Variants in ROGDI observed in about 807,000 individuals in gnomAD.
The protein encoded by ROGDI is rogdi atypical leucine zipper.
ROGDI carries 46 observed loss-of-function variants against 43.1 expected under a neutral mutation model. The observed-to-expected ratio is 1.07, with a 90% CI of 0.84 to 1.37. The LOEUF (loss-of-function observed/expected upper bound fraction) is 1.37. ROGDI is among the 40% of genes most tolerant of loss of function. The pLI, the probability that ROGDI is intolerant of heterozygous loss-of-function variation, is 0.00. For missense variants in ROGDI, 518 were observed against 383.9 expected (o/e 1.35, Z -2.92); for synonymous variants, 243 against 162.0 (o/e 1.50, Z -3.80).
rs750537590 is a variant in ROGDI at position 4,800,617 on chromosome 16, G to A, written c.256-39C>T. 40 of 1,473,910 alleles carry A rather than the reference G, an allele frequency of 2.7e-5. 1 individual carries two copies. In the Admixed American group the frequency reaches 4.5e-4, roughly 17 times the overall value. 91.3% of individuals were successfully genotyped at this position (1,473,910 alleles called of 1,614,324 possible). ...GTGGGGTGAGCTGGGCAGTGGGGGG[G>A]CACCTCCTGCCACAGCCACTCTGAG... On this transcript the variant is annotated intron_variant, in intron 4 of 10. Transcript: ENST00000322048.
intron 10 of ROGDI, 96 bp downstream of exon 10, chr16:4,797,618 T>TG (rs138862247): frequency 1.8e-5 from 24 of 1,363,106 alleles, no homozygotes; most frequent in East Asian, 9.2e-5. Context: ...CGCAGTGCTG[T>TG]GGGGTACACC....
intron 7 of ROGDI, 132 bp downstream of exon 7, chr16:4,798,437 C>G: frequency 1.2e-6 from 1 of 806,688 alleles, no homozygotes; most frequent in Non-Finnish European, 1.9e-6. Context: ...AGGACCCCAT[C>G]CCAGAAACCT....
rs1489685289 is a variant in ROGDI at position 4,802,615 on chromosome 16, C to T, written c.-44G>A. On this transcript the variant is annotated 5_prime_UTR_variant, in exon 1 of 11. Transcript: ENST00000322048. ...AGCGCCCTCCCCACCGGCCGCTGCT[C>T]CTGTCCACCAATCTTTCTGTCCTCG... 4 of 1,288,614 alleles carry T rather than the reference C, an allele frequency of 3.1e-6. No homozygotes were observed. Among genetic ancestry groups the T allele is most frequent in the Middle Eastern group, 3.1e-4 (1 of 3,248 alleles). The allele number at this position is 1,288,614 out of a possible 1,614,324, so 79.8% of individuals were successfully genotyped here.
chr16:4,798,504 T>C, intron 7 of ROGDI, 65 bp downstream of exon 7: 1 of 1,305,316 alleles, frequency 7.7e-7, no homozygotes, highest in Admixed American at 2.6e-5. Flanking sequence ...GCGTCCATCC[T>C]GAGGGCAAGC....
At chr16:4,797,594 G>C (rs555219138) in intron 10 of ROGDI, 93 bp from the exon 11 acceptor site, 5 of 1,588,460 alleles carry the variant, frequency 3.1e-6, no homozygotes, top group African/African-American at 1.3e-5. Flanking sequence ...TGTCAGGACA[G>C]GGCATTGCTG....
Position 4,801,321 on chromosome 16 carries a change from G to C in ROGDI, c.201C>G (p.Gly67=). The C allele has an allele frequency of 3.7e-6, 6 of 1,605,802 alleles. No homozygotes were observed. The highest frequency in any genetic ancestry group is 5.1e-6 in the Non-Finnish European group (6 of 1,174,092). Residue 67 remains glycine (G), a splice_region_variant and synonymous_variant, in exon 4 of 11, where the codon GGC becomes GGG. Coordinates refer to ENST00000322048, the MANE Select transcript of ROGDI (RefSeq NM_024589.3). ...TCAGCACACCCTTCACCTGGTCTGT[G>C]CTGTAACATGTGGCGTCAGAGCGGT... is the stretch of plus-strand genomic sequence containing the variant. ...KQENFILGSC[G]TDQVKGVLTL...
rs781370372 is a variant in ROGDI, at chr16:4,802,418, C to T, written c.81G>A (p.Val27=). The T allele has an allele frequency of 2.0e-6, 3 of 1,529,176 alleles. No individual in the cohort carries two copies. The highest frequency in any genetic ancestry group is 2.1e-5 in the Admixed American group (1 of 47,758). 94.7% of individuals were successfully genotyped at this position (1,529,176 alleles called of 1,614,324 possible). Reference sequence around the variant, plus strand: ...CCTGCAGCTGCTTCAACACAGCGTGCACCTCGTCGTGCAGCAGCCAGCGGA... The same window carrying T: ...CCTGCAGCTGCTTCAACACAGCGTGTACCTCGTCGTGCAGCAGCCAGCGGA... The part of the protein sequence containing the change: ...EEFRWLLHDE[V]HAVLKQLQDI... Residue 27 remains valine, a synonymous_variant, in exon 2 of 11, where the codon GTG becomes GTA. Transcript: ENST00000322048.
intron 2 of ROGDI, chr16:4,802,157 G>C: frequency 1.5e-6 from 1 of 655,676 alleles, no homozygotes; most frequent in Non-Finnish European, 2.8e-6. Context: ...GAGGCCGGGC[G>C]GGACTCAGGC....
Position 4,799,866 on chromosome 16 carries a change from T to C in ROGDI, c.337-85A>G. 5.5e-6 allele frequency: 5 copies of C among 909,794 alleles called. No homozygotes were observed. In the South Asian group the frequency reaches 6.0e-5, roughly 11 times the overall value. 56.4% of individuals were successfully genotyped at this position (909,794 alleles called of 1,614,324 possible). Reference sequence around the variant, plus strand: ...GTGGGTGCTGCCTGCCTGCCCCACGTCATTCCACTCTCCACACTGTCATCC... The same window carrying C: ...GTGGGTGCTGCCTGCCTGCCCCACGCCATTCCACTCTCCACACTGTCATCC... On this transcript the variant is annotated intron_variant, in intron 5 of 10. Transcript: ENST00000322048.
chr16:4,799,927 G>A, intron 5 of ROGDI, 146 bp from the exon 6 acceptor site: 1 of 630,278 alleles, frequency 1.6e-6, no homozygotes, highest in Non-Finnish European at 2.8e-6. Flanking sequence ...GCCAGGTGAT[G>A]GGCATCTGGC....
At position 4,802,419 on chromosome 16, in the gene ROGDI, A is replaced by G; in HGVS notation, c.80T>C (p.Val27Ala). 1 of 1,524,114 alleles carries G rather than the reference A, an allele frequency of 6.6e-7. No homozygotes were observed. The highest frequency in any genetic ancestry group is 8.8e-7 in the Non-Finnish European group (1 of 1,141,718). The allele number at this position is 1,524,114 out of a possible 1,614,324, so 94.4% of individuals were successfully genotyped here. A position where few individuals can be genotyped will look rare whatever the true frequency, so the allele number is the denominator to read the frequency against. The change falls in exon 2 of 11, where the codon GTG becomes GCG. Residue 27 changes from valine (V) to alanine (A), a missense_variant. Physicochemically the swap from Val to Ala is moderately conservative, Grantham distance 64 (BLOSUM62 0). Coordinates refer to ENST00000322048, the MANE Select transcript of ROGDI (RefSeq NM_024589.3). ...EEFRWLLHDE[V>A]HAVLKQLQDI... Reference sequence around the variant, plus strand: ...CTGCAGCTGCTTCAACACAGCGTGCACCTCGTCGTGCAGCAGCCAGCGGAA... The same window carrying G: ...CTGCAGCTGCTTCAACACAGCGTGCGCCTCGTCGTGCAGCAGCCAGCGGAA...
At chr16:4,799,488 C>T (rs959960074) in intron 6 of ROGDI, among the ~76,000 whole-genome samples, 198 bp downstream of exon 6, 14 of 152,192 alleles carry the variant, frequency 9.2e-5, no homozygotes, top group Admixed American at 4.6e-4. Flanking sequence ...CTGGGGGCCC[C>T]GTGACCTGAA....
At chr16:4,801,048 G>T (rs1189371516) in intron 4 of ROGDI, 3 of 521,664 alleles carry the variant, frequency 5.8e-6, no homozygotes, top group Admixed American at 3.5e-5. Context: ...GCCAGGCCAG[G>T]CCGTGTGCAA....
chr16:4,798,358 G>C, intron 7 of ROGDI, 174 bp from the exon 8 acceptor site: 1 of 701,350 alleles, frequency 1.4e-6, no homozygotes. Flanking sequence ...TATCTCCTGT[G>C]CTGTCAGGTT....
Position 4,801,513 on chromosome 16 carries a change from C to A in ROGDI, c.190G>T (p.Gly64Cys). 6.2e-7 allele frequency: 1 copy of A among 1,605,820 alleles called. No homozygotes were observed. Among genetic ancestry groups the A allele is most frequent in the Non-Finnish European group, 8.5e-7 (1 of 1,176,312 alleles). Reference protein sequence around the residue: ...GPAKQENFILGSCGTDQVKGV... With the variant: ...GPAKQENFILCSCGTDQVKGV... ...CTAGCCCAGGCTCACCCACAGCTGC[C>A]TAGGATGAAGTTCTCTTGCTTGGCG... Residue 64 changes from glycine (G) to cysteine (C), a missense_variant, in exon 3 of 11, where the codon GGC becomes TGC. Transcript: ENST00000322048.
chr16:4,801,910 T>C, intron 2 of ROGDI: 1 of 559,068 alleles, frequency 1.8e-6, no homozygotes, highest in South Asian at 1.8e-5. Context: ...GTAGTTATGG[T>C]AACCCGCGGT....
intron 2 of ROGDI, chr16:4,801,833 G>A: frequency 1.7e-6 from 1 of 592,448 alleles, no homozygotes; most frequent in Non-Finnish European, 3.0e-6. Flanking sequence ...ATACAAAACA[G>A]ACAGGGGCAG....
Position 4,797,141 on chromosome 16 carries a change from C to T in ROGDI, c.*319G>A, listed in dbSNP as rs1650432632. 8 of 313,322 alleles carry T rather than the reference C, an allele frequency of 2.6e-5. No homozygotes were observed. Among genetic ancestry groups the T allele is most frequent in the South Asian group, 2.1e-4 (5 of 23,516 alleles). The allele number at this position is 313,322 out of a possible 1,614,324, so 19.4% of individuals were successfully genotyped here. Reference sequence around the variant, plus strand: ...CATGCCCTCCAGGGGGAGGGGACAGCGAAGGGGAGAGGAGGGAGAGCCCTG... The same window carrying T: ...CATGCCCTCCAGGGGGAGGGGACAGTGAAGGGGAGAGGAGGGAGAGCCCTG... On this transcript the variant is annotated 3_prime_UTR_variant, in exon 11 of 11. Transcript: ENST00000322048.
At chr16:4,800,006 G>A (rs1057380178) in intron 5 of ROGDI, among the ~76,000 whole-genome samples, 5 of 152,160 alleles carry the variant, frequency 3.3e-5, no homozygotes, top group Admixed American at 3.3e-4. Context: ...TGGACACACA[G>A]TAATGCCCAA....
Sources: allele counts gnomAD v4.1 joint callset (sites outside exome capture counted in the v4.1 genomes callset), GRCh38; gene constraint gnomAD v4.1.1; transcripts MANE v1.5; gene names NCBI Gene and HGNC (gene_info 2026-07-23, HGNC 2026-07-21).